WDR11: variants seen among roughly 807,000 people sequenced by gnomAD.
WDR11 encodes the protein WD repeat-containing protein 11.
In WDR11, 83 loss-of-function variants were observed where a neutral mutation model predicts 151.2. The ratio of observed to expected loss-of-function variants is 0.55; its 90% CI spans 0.46 to 0.66. The LOEUF (loss-of-function observed/expected upper bound fraction) is 0.66. Among genes scored for constraint, WDR11 ranks in the 30% least tolerant of loss-of-function variants. The pLI, the probability that WDR11 is intolerant of heterozygous loss-of-function variation, is 0.00. For synonymous variants in WDR11, 484 were observed against 533.1 expected (o/e 0.91, Z 1.27); for missense variants, 1,301 against 1,480.9 (o/e 0.88, Z 1.99).
At chr10:120,902,707 T>A (rs920418673) in intron 22 of WDR11, among the ~76,000 whole-genome samples, 2 of 141,112 alleles carry the variant, frequency 1.4e-5, no homozygotes, top group African/African-American at 3.2e-5. Context: ...GCACATTACT[T>A]TCATACCTTA....
chr10:120,904,246 G>A (rs1847949328), intron 24 of WDR11, 104 bp downstream of exon 24: 1 of 905,186 alleles, frequency 1.1e-6, no homozygotes, highest in East Asian at 2.6e-5. Flanking sequence ...TTTTCCCCTT[G>A]TATGTACCTC....
At chr10:120,855,845 C>G (rs916707960) in intron 2 of WDR11, among the ~76,000 whole-genome samples, 1 of 152,046 alleles carries the variant, frequency 6.6e-6, no homozygotes, top group African/African-American at 2.4e-5. Context: ...TGTGTGTCTT[C>G]TATTTTTCTT....
Position 120,908,550 on chromosome 10 carries a change from G to C in WDR11, c.3518-6G>C, listed in dbSNP as rs773503645. ...TTTACTCTTCTTTTCCTTAACTATG[G>C]TTTACAGAAACTCATCACTGCTATA... On this transcript the variant is annotated splice_polypyrimidine_tract_variant and splice_region_variant and intron_variant, in intron 28 of 28. Coordinates refer to ENST00000263461, the MANE Select transcript of WDR11 (RefSeq NM_018117.12). 5.6e-6 allele frequency: 9 copies of C among 1,614,060 alleles called. No individual in the cohort carries two copies. In the South Asian group the frequency reaches 7.7e-5, roughly 14 times the overall value.
At chr10:120,874,981 A>C in intron 11 of WDR11, among the ~76,000 whole-genome samples, 1 of 150,978 alleles carries the variant, frequency 6.6e-6, no homozygotes. Flanking sequence ...TCAATCCCCG[A>C]TAGGCCCCAG....
intron 21 of WDR11, among the ~76,000 whole-genome samples, chr10:120,902,037 G>A (rs1399777472): frequency 6.6e-6 from 1 of 152,216 alleles, no homozygotes; most frequent in Non-Finnish European, 1.5e-5. Flanking sequence ...GCAGCTCCCT[G>A]TGGTGGCTGA....
chr10:120,895,343 G>A (rs891314245), intron 19 of WDR11, among the ~76,000 whole-genome samples: 4 of 152,080 alleles, frequency 2.6e-5, no homozygotes, highest in South Asian at 2.1e-4. Flanking sequence ...ATAGATTGTC[G>A]TCTATGAAGG....
intron 19 of WDR11, among the ~76,000 whole-genome samples, chr10:120,894,158 G>GTT: frequency 1.3e-5 from 2 of 151,884 alleles, no homozygotes; most frequent in African/African-American, 4.8e-5. Context: ...GGTCTAACAT[G>GTT]TAAGTCTTTA....
intron 26 of WDR11, 41 bp from the exon 27 acceptor site, chr10:120,905,835 G>T: frequency 6.2e-7 from 1 of 1,613,676 alleles, no homozygotes; most frequent in Non-Finnish European, 8.5e-7. Flanking sequence ...TCTTTATAGA[G>T]TGCAGGATGT....
chr10:120,866,737 C>T lies in WDR11; in HGVS notation c.1163C>T (p.Ala388Val), dbSNP rs1406920781. The T allele has an allele frequency of 1.2e-6, 2 of 1,614,080 alleles. No individual in the cohort carries two copies. The highest frequency in any genetic ancestry group is 8.5e-7 in the Non-Finnish European group (1 of 1,179,994). Residue 388 changes from alanine (A) to valine (V), a missense_variant, in exon 8 of 29, where the codon GCA becomes GTA. Coordinates refer to ENST00000263461, the MANE Select transcript of WDR11 (RefSeq NM_018117.12). Reference sequence around the variant, plus strand: ...GTCATGATATGGGAACTCAAGTCTGCAGTTTGTAATCGAAATTCACGGAAC... The same window carrying T: ...GTCATGATATGGGAACTCAAGTCTGTAGTTTGTAATCGAAATTCACGGAAC... ...GRVMIWELKS[A>V]VCNRNSRNSS... is the part of the protein sequence containing the mutation.
intron 11 of WDR11, among the ~76,000 whole-genome samples, 187 bp from the exon 12 acceptor site, chr10:120,878,166 T>A (rs1846866265): frequency 6.6e-6 from 1 of 152,204 alleles, no homozygotes; most frequent in African/African-American, 2.4e-5. Context: ...TAGAAATGAT[T>A]TTGTATGTGT....
intron 19 of WDR11, among the ~76,000 whole-genome samples, chr10:120,898,453 C>G (rs1214947650): frequency 6.6e-6 from 1 of 152,108 alleles, no homozygotes; most frequent in Non-Finnish European, 1.5e-5. Flanking sequence ...TTATACTAGC[C>G]ATATGTTAAG....
intron 3 of WDR11, among the ~76,000 whole-genome samples, chr10:120,859,260 C>CTT (rs1270503306): frequency 1.5e-5 from 2 of 136,224 alleles, no homozygotes; most frequent in Non-Finnish European, 1.6e-5. Flanking sequence ...GTACGGTATT[C>CTT]TTTTTTTTTT....
intron 4 of WDR11, among the ~76,000 whole-genome samples, chr10:120,861,081 A>G (rs1478037150): frequency 6.6e-6 from 1 of 152,192 alleles, no homozygotes; most frequent in Non-Finnish European, 1.5e-5. Flanking sequence ...AGGGCATGCA[A>G]GTTGTATGAG....
At chr10:120,907,153 T>C in intron 28 of WDR11, 1 of 379,158 alleles carries the variant, frequency 2.6e-6, no homozygotes, top group Non-Finnish European at 5.0e-6. Flanking sequence ...GAAGGAATGA[T>C]TTGGGAAACA....
Position 120,865,220 on chromosome 10 carries a change from C to A in WDR11, c.879+8C>A, listed in dbSNP as rs1199455121. On this transcript the variant is annotated splice_region_variant and intron_variant, in intron 6 of 28. Coordinates refer to ENST00000263461, the MANE Select transcript of WDR11 (RefSeq NM_018117.12). ...GGAGTTCCATTTTTACAGGTATCTA[C>A]AATTCATAAATTATATTCCCCAAAA... 1.2e-6 allele frequency: 2 copies of A among 1,612,958 alleles called. No individual in the cohort carries two copies. Among genetic ancestry groups the A allele is most frequent in the East Asian group, 4.5e-5 (2 of 44,838 alleles).
At chr10:120,906,045 T>C (rs1848028245) in intron 27 of WDR11, 24 bp downstream of exon 27, 1 of 1,612,884 alleles carries the variant, frequency 6.2e-7, no homozygotes. Context: ...TCACATGGGC[T>C]GCTCAGGCCT....
chr10:120,908,405 C>G, intron 28 of WDR11, 151 bp from the exon 29 acceptor site: 1 of 782,342 alleles, frequency 1.3e-6, no homozygotes, highest in Admixed American at 1.9e-5. Context: ...CGAAAAGTCT[C>G]CTGTGTTCAT....
At chr10:120,875,295 T>C (rs1846725466) in intron 11 of WDR11, among the ~76,000 whole-genome samples, 1 of 152,256 alleles carries the variant, frequency 6.6e-6, no homozygotes, top group Non-Finnish European at 1.5e-5. Flanking sequence ...TAGCATTTAT[T>C]TGATTTTTAG....
At chr10:120,889,713 G>C (rs1479104425) in intron 17 of WDR11, 182 bp from the exon 18 acceptor site, 1 of 623,858 alleles carries the variant, frequency 1.6e-6, no homozygotes, top group African/African-American at 1.8e-5. Flanking sequence ...CCCTGCAGAA[G>C]TCTTAGCTGA....
Sources: gnomAD v4.1 joint callset for allele counts (sites outside exome capture counted in the v4.1 genomes callset) on GRCh38, gnomAD v4.1.1 for gene constraint, MANE v1.5 for transcripts, NCBI Gene and HGNC (gene_info 2026-07-23, HGNC 2026-07-21) for gene names.